JAKMIP2: variants seen among roughly 807,000 people sequenced by gnomAD.
JAKMIP2 encodes janus kinase and microtubule interacting protein 2, also known as janus kinase and microtubule-interacting protein 2.
A neutral mutation model predicts 115.0 loss-of-function variants in JAKMIP2; 25 were observed. The observed-to-expected ratio is 0.22, with a 90% CI of 0.16 to 0.30. The LOEUF (loss-of-function observed/expected upper bound fraction) is 0.30, where lower values mean the gene tolerates loss of function less well. JAKMIP2 is among the 10% of genes least tolerant of loss of function. The probability of loss-of-function intolerance (pLI) is 1.00; values close to 1 mark genes in which losing one functional copy is unlikely to be tolerated. For missense variants in JAKMIP2, 642 were observed against 957.6 expected (o/e 0.67, Z 4.35); for synonymous variants, 334 against 343.6 (o/e 0.97, Z 0.31).
chr5:147,744,389 T>G (rs951909209), intron 1 of JAKMIP2, among the ~76,000 whole-genome samples: 12 of 152,164 alleles, frequency 7.9e-5, no homozygotes, highest in African/African-American at 2.7e-4. Flanking sequence ...CTGAACTTCT[T>G]TGAGGTTAAT....
At chr5:147,605,382 T>C (rs1755952408) in intron 20 of JAKMIP2, among the ~76,000 whole-genome samples, 1 of 151,966 alleles carries the variant, frequency 6.6e-6, no homozygotes, top group Non-Finnish European at 1.5e-5. Flanking sequence ...GCTAATTTTT[T>C]GTATTTTTAG....
At chr5:147,776,211 C>A (rs923313739) in intron 1 of JAKMIP2, among the ~76,000 whole-genome samples, 2 of 152,148 alleles carry the variant, frequency 1.3e-5, no homozygotes, top group Admixed American at 1.3e-4. Flanking sequence ...TGTGTTCCCA[C>A]CCAAATCTCA....
intron 2 of JAKMIP2, among the ~76,000 whole-genome samples, chr5:147,667,395 G>A (rs545813795): frequency 6.6e-6 from 1 of 152,180 alleles, no homozygotes; most frequent in Non-Finnish European, 1.5e-5. Flanking sequence ...TCTAGCCTTT[G>A]CAAAATGCCA....
At chr5:147,764,143 A>T (rs1053387092) in intron 1 of JAKMIP2, among the ~76,000 whole-genome samples, 1 of 152,172 alleles carries the variant, frequency 6.6e-6, no homozygotes, top group Admixed American at 6.6e-5. Context: ...GAGAGAATAC[A>T]CAAAACACCT....
At chr5:147,685,800 A>G (rs567517039) in intron 1 of JAKMIP2, among the ~76,000 whole-genome samples, 1 of 152,326 alleles carries the variant, frequency 6.6e-6, no homozygotes, top group Admixed American at 6.5e-5. Flanking sequence ...AAATAGCAGT[A>G]ATTTTTTTTG....
At chr5:147,600,179 C>T (rs1432190052) in intron 21 of JAKMIP2, among the ~76,000 whole-genome samples, 3 of 144,776 alleles carry the variant, frequency 2.1e-5, no homozygotes, top group Non-Finnish European at 3.0e-5. Context: ...AATCTCCCTC[C>T]ACTTCAATTT....
At chr5:147,684,429 T>C (rs1760475875) in intron 1 of JAKMIP2, among the ~76,000 whole-genome samples, 1 of 152,068 alleles carries the variant, frequency 6.6e-6, no homozygotes, top group South Asian at 2.1e-4. Context: ...AGGTAAATTC[T>C]GAAAAAATAC....
chr5:147,710,560 G>A lies in JAKMIP2; in HGVS notation c.-148-38606C>T, dbSNP rs1466985568. Reference sequence around the variant, plus strand: ...TTAACTCCTTAGGCTCCATTTCCTGGTCTGTAAAATAAAGATTATAATACT... The same window carrying A: ...TTAACTCCTTAGGCTCCATTTCCTGATCTGTAAAATAAAGATTATAATACT... On this transcript the variant is annotated intron_variant, in intron 1 of 21. Transcript: ENST00000616793. Among the ~76,000 whole-genome samples the A allele has an allele frequency of 2.0e-5, 3 of 152,048 alleles. No homozygotes were observed. The East Asian group carries it at 5.8e-4, about 29-fold the overall frequency.
At chr5:147,737,945 C>A (rs531646235) in intron 1 of JAKMIP2, among the ~76,000 whole-genome samples, 9 of 151,912 alleles carry the variant, frequency 5.9e-5, no homozygotes, top group Non-Finnish European at 1.0e-4. Flanking sequence ...AGATATTGGT[C>A]CTCCCACGTA....
intron 20 of JAKMIP2, among the ~76,000 whole-genome samples, chr5:147,603,532 A>G (rs942080808): frequency 1.3e-5 from 2 of 152,220 alleles, no homozygotes; most frequent in African/African-American, 4.8e-5. Flanking sequence ...TCTGGCATAC[A>G]GGATCTTTAG....
intron 2 of JAKMIP2, 190 bp from the exon 3 acceptor site, chr5:147,661,635 C>T (rs982057034): frequency 5.1e-6 from 3 of 586,666 alleles, no homozygotes; most frequent in Non-Finnish European, 9.0e-6. Flanking sequence ...GAGGAAATAC[C>T]TGAGGATATT....
At chr5:147,721,383 G>C (rs1423645870) in intron 1 of JAKMIP2, among the ~76,000 whole-genome samples, 1 of 152,240 alleles carries the variant, frequency 6.6e-6, no homozygotes, top group Non-Finnish European at 1.5e-5. Context: ...CCGCCCAGTT[G>C]GAGCTTCGAG....
chr5:147,662,853 C>T (rs1759094885), intron 2 of JAKMIP2, among the ~76,000 whole-genome samples: 1 of 152,002 alleles, frequency 6.6e-6, no homozygotes, highest in African/African-American at 2.4e-5. Flanking sequence ...GGCGTGGTGG[C>T]AGGCACCTGT....
chr5:147,646,391 AT>A (rs1375079210), intron 5 of JAKMIP2, among the ~76,000 whole-genome samples: 3 of 152,124 alleles, frequency 2.0e-5, no homozygotes, highest in African/African-American at 7.2e-5. Context: ...AGTTATTCTT[AT>A]TTTTTAATCT....
In JAKMIP2 at chr5:147,782,629, C is replaced by T; in HGVS notation, c.-322G>A. On this transcript the variant is annotated 5_prime_UTR_variant, in exon 1 of 22. Coordinates refer to ENST00000616793, the MANE Select transcript of JAKMIP2 (RefSeq NM_001270941.2). The stretch of plus-strand genomic sequence containing the variant: ...TGCGAATAGGAACCACCCTTCCAGC[C>T]CCACTAGAGTATCAGCAATAGAGGC... 1.4e-6 allele frequency: 1 copy of T among 708,236 alleles called. No individual in the cohort carries two copies. Among genetic ancestry groups the T allele is most frequent in the Non-Finnish European group, 2.5e-6 (1 of 395,858 alleles). 43.9% of individuals were successfully genotyped at this position (708,236 alleles called of 1,614,324 possible). A position where few individuals can be genotyped will look rare whatever the true frequency, so the allele number is the denominator to read the frequency against.
intron 17 of JAKMIP2, among the ~76,000 whole-genome samples, chr5:147,622,912 C>T (rs1370845899): frequency 6.6e-6 from 1 of 152,060 alleles, no homozygotes; most frequent in Non-Finnish European, 1.5e-5. Context: ...TCTTTGCCAA[C>T]ACTTGTTTTA....
intron 21 of JAKMIP2, among the ~76,000 whole-genome samples, chr5:147,597,413 T>C (rs1211191002): frequency 1.3e-5 from 2 of 152,194 alleles, no homozygotes; most frequent in African/African-American, 4.8e-5. Flanking sequence ...CAAAAATTTA[T>C]GGTTAACACT....
intron 21 of JAKMIP2, among the ~76,000 whole-genome samples, chr5:147,598,371 C>T: frequency 6.6e-6 from 1 of 152,126 alleles, no homozygotes; most frequent in Non-Finnish European, 1.5e-5. Flanking sequence ...CATGGGACTT[C>T]TCCACCCCCA....
At chr5:147,778,813 C>T (rs1319774266) in intron 1 of JAKMIP2, among the ~76,000 whole-genome samples, 1 of 152,048 alleles carries the variant, frequency 6.6e-6, no homozygotes. Context: ...ATCTTATATT[C>T]TCCAAGGAAA....
Sources: allele counts gnomAD v4.1 joint callset (sites outside exome capture counted in the v4.1 genomes callset), GRCh38; gene constraint gnomAD v4.1.1; transcripts MANE v1.5; gene names NCBI Gene and HGNC (gene_info 2026-07-23, HGNC 2026-07-21).